Variants in ZKSCAN2 observed in about 807,000 individuals in gnomAD.
ZKSCAN2 encodes zinc finger protein with KRAB and SCAN domains 2.
Under a neutral mutation model 90.5 loss-of-function variants are expected in ZKSCAN2, and 38 were observed. The observed-to-expected ratio is 0.42, with a 90% CI of 0.32 to 0.55. The LOEUF (loss-of-function observed/expected upper bound fraction) is 0.55. Among genes scored for constraint, ZKSCAN2 ranks in the 20% least tolerant of loss-of-function variants. The pLI, the probability that ZKSCAN2 is intolerant of heterozygous loss-of-function variation, is 0.11. For synonymous variants in ZKSCAN2, 429 were observed against 421.6 expected (o/e 1.02, Z -0.22); for missense variants, 1,167 against 1,202.6 (o/e 0.97, Z 0.44).
Position 25,244,177 on chromosome 16 carries a change from A to T in ZKSCAN2, c.1589T>A (p.Leu530Ter). The change falls in exon 6 of 7, where the codon TTG (leucine) becomes TAG (stop). Residue 530 changes from leucine to a stop codon, truncating the protein, a stop_gained. Transcript: ENST00000328086. LOFTEE classifies it high-confidence loss of function. ...ALQACHRKSKLYGAVAEQLRE... is the reference protein window; with the variant it reads ...ALQACHRKSK The stretch of plus-strand genomic sequence containing the variant: ...AAGCTGTTCAGCTACAGCCCCATAC[A>T]ATTTGCTCTTCCGATGACAGGCTTG... 6.2e-7 allele frequency: 1 copy of T among 1,614,014 alleles called. No individual in the cohort carries two copies. The highest frequency in any genetic ancestry group is 8.5e-7 in the Non-Finnish European group (1 of 1,180,004).
Position 25,247,052 on chromosome 16 carries a change from G to A in ZKSCAN2, c.1144C>T (p.Arg382Ter), listed in dbSNP as rs1962944781. The A allele has an allele frequency of 1.2e-6, 2 of 1,614,132 alleles. No homozygotes were observed. The highest frequency in any genetic ancestry group is 8.5e-7 in the Non-Finnish European group (1 of 1,180,028). ...GGGGTTCTAAGGAAGCCACATTCTC[G>A]CAACCATTCAGCCACAGCACCATAC... ...QVYGAVAEWL[R>*]ECGFLRTPEQ... is the part of the protein sequence containing the mutation. Residue 382 changes from arginine (R) to a stop codon, truncating the protein, a stop_gained, in exon 5 of 7, where the codon CGA (arginine) becomes TGA (stop). Coordinates refer to ENST00000328086, the MANE Select transcript of ZKSCAN2 (RefSeq NM_001012981.5). LOFTEE classifies it high-confidence loss of function.
rs899887769 is a variant in ZKSCAN2 at position 25,257,482 on chromosome 16, G to A, written c.-355C>T. ...AAGGCTGGGCGGAGGCGGACAGCCG[G>A]GCCGGGAGGGGGTGTGTCCGCTACT... On this transcript the variant is annotated 5_prime_UTR_variant, in exon 1 of 7. Coordinates refer to ENST00000328086, the MANE Select transcript of ZKSCAN2 (RefSeq NM_001012981.5). The A allele has an allele frequency of 4.9e-6, 5 of 1,010,318 alleles. No individual in the cohort carries two copies. The highest frequency in any genetic ancestry group is 1.7e-5 in the African/African-American group (1 of 58,216). The allele number at this position is 1,010,318 out of a possible 1,614,324, so 62.6% of individuals were successfully genotyped here. A position where few individuals can be genotyped will look rare whatever the true frequency, so the allele number is the denominator to read the frequency against.
rs755776438 is a variant in ZKSCAN2 at position 25,240,553 on chromosome 16, C to G, written c.2167G>C (p.Gly723Arg). 1 of 1,614,160 alleles carries G rather than the reference C, an allele frequency of 6.2e-7. No homozygotes were observed. Among genetic ancestry groups the G allele is most frequent in the South Asian group, 1.1e-5 (1 of 91,072 alleles). ...QWENLQGIRQ[G>R]KPMSQPRDLG... is the part of the protein sequence containing the mutation. ...TCTCTAGGCTGAGACATCGGCTTTC[C>G]CTGTCTAATTCCTTGAAGATTTTCC... is the stretch of plus-strand genomic sequence containing the variant. Residue 723 changes from glycine to arginine, a missense_variant, in exon 7 of 7, where the codon GGA becomes CGA. Coordinates refer to ENST00000328086, the MANE Select transcript of ZKSCAN2 (RefSeq NM_001012981.5).
Position 25,239,996 on chromosome 16 carries a change from T to C in ZKSCAN2, c.2724A>G (p.Ile908Met), listed in dbSNP as rs1368803048. 6.2e-7 allele frequency: 1 copy of C among 1,613,982 alleles called. No individual in the cohort carries two copies. Among genetic ancestry groups the C allele is most frequent in the South Asian group, 1.1e-5 (1 of 91,068 alleles). Residue 908 changes from isoleucine to methionine, a missense_variant, in exon 7 of 7, where the codon ATA (isoleucine) becomes ATG (methionine). Ile to Met is a conservative substitution (Grantham distance 10). Coordinates refer to ENST00000328086, the MANE Select transcript of ZKSCAN2 (RefSeq NM_001012981.5). ...ATCCATAGGGCTTCTCTCCAGTGTG[T>C]ATTCTCCGATGTTCTCGAAATCTCG... is the stretch of plus-strand genomic sequence containing the variant. ...NCTRFREHRR[I>M]HTGEKPYGCA...
chr16:25,236,016 G>C lies in ZKSCAN2; in HGVS notation c.*3800C>G, dbSNP rs1163695081. On this transcript the variant is annotated 3_prime_UTR_variant, in exon 7 of 7. Coordinates refer to ENST00000328086, the MANE Select transcript of ZKSCAN2 (RefSeq NM_001012981.5). ...GCCCTTCAAATTATGGCAGAAACCAGTGGGAGCCATTTATTTTAGACATTT... is the reference window on the plus strand; with the variant it reads ...GCCCTTCAAATTATGGCAGAAACCACTGGGAGCCATTTATTTTAGACATTT... 1 of 152,236 alleles carries C rather than the reference G, an allele frequency of 6.6e-6. No individual in the cohort carries two copies. The highest frequency in any genetic ancestry group is 1.5e-5 in the Non-Finnish European group (1 of 68,050). The allele number at this position is 152,236 out of a possible 1,614,324, so 9.4% of individuals were successfully genotyped here.
At chr16:25,256,653 T>C in intron 1 of ZKSCAN2, 76 bp downstream of exon 1, 2 of 1,483,876 alleles carry the variant, frequency 1.3e-6, no homozygotes, top group Non-Finnish European at 1.8e-6. Flanking sequence ...CACGTCTTTC[T>C]GCAATACATC....
chr16:25,239,467 T>C lies in ZKSCAN2; in HGVS notation c.*349A>G, dbSNP rs887153014. The stretch of plus-strand genomic sequence containing the variant: ...TAGGTAATAACAACAAAAAAACTTT[T>C]GGCATTTTTTATATCCTTGAAGACA... On this transcript the variant is annotated 3_prime_UTR_variant, in exon 7 of 7. Coordinates refer to ENST00000328086, the MANE Select transcript of ZKSCAN2 (RefSeq NM_001012981.5). 1.7e-4 allele frequency: 31 copies of C among 180,588 alleles called. No individual in the cohort carries two copies. Among genetic ancestry groups the C allele is most frequent in the African/African-American group, 6.3e-4 (27 of 42,556 alleles). The allele number at this position is 180,588 out of a possible 1,614,324, so 11.2% of individuals were successfully genotyped here.
In ZKSCAN2 at chr16:25,246,736, C is replaced by A; in HGVS notation, c.1460G>T (p.Gly487Val). 6.2e-7 allele frequency: 1 copy of A among 1,614,204 alleles called. No homozygotes were observed. Among genetic ancestry groups the A allele is most frequent in the Non-Finnish European group, 8.5e-7 (1 of 1,180,026 alleles). ...GAGATTCTGAAACAAGACAGGGGCA[C>A]CATGGATTTCAGACTTGCGGATAAA... is the stretch of plus-strand genomic sequence containing the variant. ...IEFIRKSEIH[G>V]APVLFQNLSG... Residue 487 changes from glycine to valine, a missense_variant, in exon 5 of 7, where the codon GGT (glycine) becomes GTT (valine). Coordinates refer to ENST00000328086, the MANE Select transcript of ZKSCAN2 (RefSeq NM_001012981.5).
At chr16:25,245,417 G>A (rs1378096130) in intron 5 of ZKSCAN2, among the ~76,000 whole-genome samples, 1 of 152,136 alleles carries the variant, frequency 6.6e-6, no homozygotes, top group Non-Finnish European at 1.5e-5. Context: ...TATTTCTTTT[G>A]AATGGGTTTA....
chr16:25,240,515 G>C lies in ZKSCAN2; in HGVS notation c.2205C>G (p.Ala735=), dbSNP rs373942547. The change falls in exon 7 of 7, where the codon GCC becomes GCG. Residue 735 remains alanine, a synonymous_variant. Transcript: ENST00000328086. Reference sequence around the variant, plus strand: ...CCACAAAAGGCCTCTGATGCACAACGGCTTTCCCTAAATCTCTAGGCTGAG... The same window carrying C: ...CCACAAAAGGCCTCTGATGCACAACCGCTTTCCCTAAATCTCTAGGCTGAG... ...PMSQPRDLGK[A]VVHQRPFVGK... 1 of 1,613,950 alleles carries C rather than the reference G, an allele frequency of 6.2e-7. No individual in the cohort carries two copies. The highest frequency in any genetic ancestry group is 1.1e-5 in the South Asian group (1 of 91,080).
intron 6 of ZKSCAN2, among the ~76,000 whole-genome samples, chr16:25,242,384 T>C (rs1006207618): frequency 6.6e-6 from 1 of 152,302 alleles, no homozygotes. Context: ...TTCCCATATA[T>C]ATACTAAGCT....
chr16:25,251,772 T>C, intron 4 of ZKSCAN2, 137 bp downstream of exon 4: 1 of 940,232 alleles, frequency 1.1e-6, no homozygotes, highest in Non-Finnish European at 1.6e-6. Flanking sequence ...GAAGAGAACC[T>C]GGCTAAGTGA....
intron 4 of ZKSCAN2, among the ~76,000 whole-genome samples, chr16:25,248,431 T>C (rs1803348776): frequency 6.6e-6 from 1 of 151,864 alleles, no homozygotes; most frequent in South Asian, 2.1e-4. Context: ...AAGGAACTCC[T>C]ACAATTCAAT....
At chr16:25,248,004 T>C (rs962012922) in intron 4 of ZKSCAN2, among the ~76,000 whole-genome samples, 2 of 152,086 alleles carry the variant, frequency 1.3e-5, no homozygotes, top group Admixed American at 1.3e-4. Flanking sequence ...TGGGAAAAGA[T>C]CATCTTTTCA....
At chr16:25,254,370 T>C (rs999653985) in intron 2 of ZKSCAN2, among the ~76,000 whole-genome samples, 2 of 152,216 alleles carry the variant, frequency 1.3e-5, no homozygotes, top group Non-Finnish European at 2.9e-5. Flanking sequence ...ACCTGAGTCA[T>C]TAATGTGCAG....
At position 25,243,809 on chromosome 16, in the gene ZKSCAN2, G is replaced by A; in HGVS notation, c.1957C>T (p.Pro653Ser). The change falls in exon 6 of 7, where the codon CCA (proline) becomes TCA (serine). Residue 653 changes from proline (P) to serine (S), a missense_variant. Physicochemically the swap from Pro to Ser is moderately conservative, Grantham distance 74. Coordinates refer to ENST00000328086, the MANE Select transcript of ZKSCAN2 (RefSeq NM_001012981.5). The part of the protein sequence containing the change: ...IVQEPEFQGP[P>S]GLLQSPNDFE... Reference sequence around the variant, plus strand: ...CCATTTGGGCTCTGCAGTAGACCTGGAGGTCCCTGGAACTCTGGCTCTTGC... The same window carrying A: ...CCATTTGGGCTCTGCAGTAGACCTGAAGGTCCCTGGAACTCTGGCTCTTGC... 1 of 1,550,986 alleles carries A rather than the reference G, an allele frequency of 6.4e-7. No homozygotes were observed. The highest frequency in any genetic ancestry group is 1.6e-5 in the African/African-American group (1 of 63,164).
intron 6 of ZKSCAN2, among the ~76,000 whole-genome samples, chr16:25,241,399 C>T (rs926931418): frequency 6.6e-6 from 1 of 152,192 alleles, no homozygotes; most frequent in African/African-American, 2.4e-5. Context: ...TGGAATTACA[C>T]GGCTCTGAGT....
In ZKSCAN2 at chr16:25,257,256, A is replaced by C; in HGVS notation, c.-129T>G. ...AGGTAAAAACGGCCAGGTCGGCAGGAACAGGGTATTCCAGGCTGATTAATC... is the reference window on the plus strand; with the variant it reads ...AGGTAAAAACGGCCAGGTCGGCAGGCACAGGGTATTCCAGGCTGATTAATC... On this transcript the variant is annotated 5_prime_UTR_variant, in exon 1 of 7. Transcript: ENST00000328086. 6.7e-7 allele frequency: 1 copy of C among 1,491,748 alleles called. No individual in the cohort carries two copies. Among genetic ancestry groups the C allele is most frequent in the African/African-American group, 1.4e-5 (1 of 71,520 alleles). 92.4% of individuals were successfully genotyped at this position (1,491,748 alleles called of 1,614,324 possible). A position where few individuals can be genotyped will look rare whatever the true frequency, so the allele number is the denominator to read the frequency against.
chr16:25,240,404 C>A lies in ZKSCAN2; in HGVS notation c.2316G>T (p.Glu772Asp), dbSNP rs769900266. Residue 772 changes from glutamate to aspartate, a missense_variant, in exon 7 of 7, where the codon GAG (glutamate) becomes GAT (aspartate). By Grantham distance (45) the Glu-to-Asp change is conservative. Transcript: ENST00000328086. Reference sequence around the variant, plus strand: ...CACAGACACCACACTTGTAAGGATTCTCCTTGTGGTGGGTCATCCGGCACA... The same window carrying A: ...CACAGACACCACACTTGTAAGGATTATCCTTGTGGTGGGTCATCCGGCACA... ...RLMCRMTHHK[E>D]NPYKCGVCGK... 6.2e-7 allele frequency: 1 copy of A among 1,614,206 alleles called. No individual in the cohort carries two copies. Among genetic ancestry groups the A allele is most frequent in the Non-Finnish European group, 8.5e-7 (1 of 1,180,032 alleles).
Sources: gnomAD v4.1 joint callset for allele counts (sites outside exome capture counted in the v4.1 genomes callset) on GRCh38, gnomAD v4.1.1 for gene constraint, MANE v1.5 for transcripts, NCBI Gene and HGNC (gene_info 2026-07-23, HGNC 2026-07-21) for gene names.